TSHZ1: variants seen among roughly 807,000 people sequenced by gnomAD.
The protein encoded by TSHZ1 is teashirt homolog 1.
A neutral mutation model predicts 67.1 loss-of-function variants in TSHZ1; 12 were observed. That is an observed-to-expected ratio of 0.18 (90% confidence interval 0.11 to 0.29). The LOEUF (loss-of-function observed/expected upper bound fraction) is 0.29, where lower values mean the gene tolerates loss of function less well. Among genes scored for constraint, TSHZ1 ranks in the 10% least tolerant of loss-of-function variants. TSHZ1 has a pLI of 1.00. For missense variants in TSHZ1, 1,305 were observed against 1,413.9 expected, an observed-to-expected ratio of 0.92 and a Z score of 1.23; for synonymous variants, 632 against 622.4, an observed-to-expected ratio of 1.02 and a Z score of -0.23.
At chr18:75,278,045 G>T (rs1405821018) in intron 1 of TSHZ1, among the ~76,000 whole-genome samples, 1 of 152,066 alleles carries the variant, frequency 6.6e-6, no homozygotes, top group Admixed American at 6.6e-5. Flanking sequence ...ACGCTAAGGG[G>T]GTGGGTGGGG....
At position 75,261,118 on chromosome 18, in the gene TSHZ1, C is replaced by T. The variant is rs371408848; in HGVS notation, c.41-24330C>T. Among the ~76,000 whole-genome samples the T allele has an allele frequency of 9.2e-5, 14 of 151,950 alleles. No homozygotes were observed. The East Asian group carries it at 2.3e-3, about 25-fold the overall frequency. On this transcript the variant is annotated intron_variant, in intron 1 of 1. Coordinates refer to ENST00000580243, the MANE Select transcript of TSHZ1 (RefSeq NM_001308210.2). ...GAGAAGTCCAGTTCCGCGATGTACC[C>T]GGAGGAGCAGGACCTGAGTGTTGAC...
chr18:75,222,819 A>G (rs1391539754), intron 1 of TSHZ1, among the ~76,000 whole-genome samples: 1 of 152,120 alleles, frequency 6.6e-6, no homozygotes, highest in Admixed American at 6.5e-5. Flanking sequence ...AATTTTCTGA[A>G]AGTAGGATCT....
chr18:75,231,102 C>A (rs1209469446), intron 1 of TSHZ1, among the ~76,000 whole-genome samples: 1 of 152,218 alleles, frequency 6.6e-6, no homozygotes, highest in African/African-American at 2.4e-5. Context: ...CAGTTTCTCT[C>A]CAGTGGTGGA....
intron 1 of TSHZ1, among the ~76,000 whole-genome samples, chr18:75,215,794 C>T (rs1261893935): frequency 6.6e-5 from 10 of 152,154 alleles, no homozygotes; most frequent in Admixed American, 4.6e-4. Context: ...CTGTAATGGC[C>T]GCCCTCCTAC....
intron 1 of TSHZ1, among the ~76,000 whole-genome samples, chr18:75,263,615 C>T (rs2023455443): frequency 6.6e-6 from 1 of 152,046 alleles, no homozygotes; most frequent in Non-Finnish European, 1.5e-5. Context: ...CTTATTTCAT[C>T]TTGGGATTAA....
At chr18:75,265,266 A>G (rs2023476905) in intron 1 of TSHZ1, among the ~76,000 whole-genome samples, 1 of 152,204 alleles carries the variant, frequency 6.6e-6, no homozygotes, top group Non-Finnish European at 1.5e-5. Flanking sequence ...TTGGCTCGTC[A>G]TGTATGTGTG....
At chr18:75,218,313 G>A (rs965390281) in intron 1 of TSHZ1, among the ~76,000 whole-genome samples, 16 of 152,298 alleles carry the variant, frequency 1.1e-4, no homozygotes, top group African/African-American at 2.4e-4. Flanking sequence ...AGCTGTCTGC[G>A]TGTGAAAGAA....
Position 75,288,649 on chromosome 18 carries a change from G to C in TSHZ1, c.*8G>C. ...GAGTTGGAGAAACAGTAGCGTCCAGGTATGCAAGAGACCGCGGAACATTGC... is the reference window on the plus strand; with the variant it reads ...GAGTTGGAGAAACAGTAGCGTCCAGCTATGCAAGAGACCGCGGAACATTGC... On this transcript the variant is annotated 3_prime_UTR_variant, in exon 2 of 2. Transcript: ENST00000580243. The surrounding 1 kb of genome is among the most constrained non-coding windows in gnomAD (Gnocchi z 4.9). 1 of 1,573,852 alleles carries C rather than the reference G, an allele frequency of 6.4e-7. No homozygotes were observed. Among genetic ancestry groups the C allele is most frequent in the Non-Finnish European group, 8.6e-7 (1 of 1,160,802 alleles).
intron 1 of TSHZ1, among the ~76,000 whole-genome samples, chr18:75,267,310 C>T (rs1174504463): frequency 6.6e-6 from 1 of 152,212 alleles, no homozygotes; most frequent in African/African-American, 2.4e-5. Flanking sequence ...ATAGGATAGT[C>T]ACAGAACAGA....
At chr18:75,263,713 G>A (rs1160295952) in intron 1 of TSHZ1, among the ~76,000 whole-genome samples, 1 of 152,178 alleles carries the variant, frequency 6.6e-6, no homozygotes, top group African/African-American at 2.4e-5. Context: ...GAAAATCAGT[G>A]TTTTCTTGAG....
intron 1 of TSHZ1, among the ~76,000 whole-genome samples, chr18:75,252,161 T>C (rs2023312783): frequency 6.6e-6 from 1 of 152,262 alleles, no homozygotes; most frequent in Non-Finnish European, 1.5e-5. Context: ...TTTGTTGTTA[T>C]GCACAAATTA....
intron 1 of TSHZ1, among the ~76,000 whole-genome samples, chr18:75,266,068 A>G (rs935832172): frequency 9.2e-5 from 14 of 152,184 alleles, no homozygotes; most frequent in African/African-American, 3.4e-4. Flanking sequence ...TCCTGAGCCT[A>G]GACCGCAGAG....
At chr18:75,256,793 A>G (rs1461536381) in intron 1 of TSHZ1, among the ~76,000 whole-genome samples, 3 of 152,240 alleles carry the variant, frequency 2.0e-5, no homozygotes, top group Non-Finnish European at 4.4e-5. Flanking sequence ...AACATGTGTT[A>G]TGTAGATACC....
rs28605512 is a variant in TSHZ1 at position 75,239,197 on chromosome 18, G to A, written c.40+27281G>A. ...GCCAGCGCAGGCCAGGGGCCCTGAGGCTTCACCTGCATGTAGCAATCCACC... is the reference window on the plus strand; with the variant it reads ...GCCAGCGCAGGCCAGGGGCCCTGAGACTTCACCTGCATGTAGCAATCCACC... On this transcript the variant is annotated intron_variant, in intron 1 of 1. Coordinates refer to ENST00000580243, the MANE Select transcript of TSHZ1 (RefSeq NM_001308210.2). Among the ~76,000 whole-genome samples, 960 of 152,366 alleles carry A rather than the reference G, an allele frequency of 6.3e-3. 11 individuals carry two copies. Among genetic ancestry groups the A allele is most frequent in the African/African-American group, 0.022 (917 of 41,590 alleles).
intron 1 of TSHZ1, among the ~76,000 whole-genome samples, chr18:75,214,943 A>G (rs1207715350): frequency 6.6e-6 from 1 of 152,126 alleles, no homozygotes; most frequent in Non-Finnish European, 1.5e-5. Context: ...TACAGTCCCC[A>G]TAGCCTGTAG....
At chr18:75,217,093 A>G (rs1264815683) in intron 1 of TSHZ1, among the ~76,000 whole-genome samples, 3 of 152,226 alleles carry the variant, frequency 2.0e-5, no homozygotes, top group African/African-American at 7.2e-5. Context: ...GGGGTTTGCC[A>G]AGAGTTTTGG....
intron 1 of TSHZ1, among the ~76,000 whole-genome samples, chr18:75,243,966 A>C (rs1032497577): frequency 6.6e-6 from 1 of 152,212 alleles, no homozygotes; most frequent in Non-Finnish European, 1.5e-5. Flanking sequence ...TGTAGCTTGG[A>C]AACAGTATAA....
chr18:75,222,288 G>C (rs1305668344), intron 1 of TSHZ1, among the ~76,000 whole-genome samples: 3 of 151,814 alleles, frequency 2.0e-5, no homozygotes, highest in Non-Finnish European at 4.4e-5. Flanking sequence ...TCAGTAATGA[G>C]AATTTATTTT....
intron 1 of TSHZ1, among the ~76,000 whole-genome samples, chr18:75,235,437 A>G (rs1038961897): frequency 6.6e-6 from 1 of 152,184 alleles, no homozygotes; most frequent in Non-Finnish European, 1.5e-5. Context: ...TTTCTCAACT[A>G]TAAATTGGGA....
Sources: allele counts gnomAD v4.1 joint callset (sites outside exome capture counted in the v4.1 genomes callset), GRCh38; gene constraint gnomAD v4.1.1; non-coding constraint Gnocchi (gnomAD v3.1); transcripts MANE v1.5; gene names NCBI Gene and HGNC (gene_info 2026-07-23, HGNC 2026-07-21).